The following AMPH variants were observed in gnomAD, a reference collection of about 807,000 sequenced individuals.
AMPH encodes the protein amphiphysin.
AMPH carries 49 observed loss-of-function variants against 99.1 expected under a neutral mutation model. The ratio of observed to expected loss-of-function variants is 0.49; its 90% confidence interval spans 0.39 to 0.63. The LOEUF (loss-of-function observed/expected upper bound fraction) is 0.63, where lower values mean the gene tolerates loss of function less well. Ranked by LOEUF, AMPH falls within the 20% of genes least tolerant of loss-of-function variation. AMPH has a pLI of 0.00. For synonymous variants in AMPH, 314 were observed against 317.3 expected (o/e 0.99, Z 0.11); for missense variants, 759 against 863.4 (o/e 0.88, Z 1.52).
rs780531206 is a variant in AMPH at position 38,429,019 on chromosome 7, CT to C, written c.1182+822del. The C allele has an allele frequency of 1.2e-5, 16 of 1,289,950 alleles. No homozygotes were observed. The Middle Eastern group carries it at 6.4e-4, about 51-fold the overall frequency. 79.9% of individuals were successfully genotyped at this position (1,289,950 alleles called of 1,614,324 possible). A position where few individuals can be genotyped will look rare whatever the true frequency, so the allele number is the denominator to read the frequency against. On this transcript the variant is annotated intron_variant, in intron 14 of 20. Coordinates refer to ENST00000356264, the MANE Select transcript of AMPH (RefSeq NM_001635.4). Reference sequence around the variant, plus strand: ...GCTTTCTCTTCAAATTCCTCTGTACCTTCTAGTGTCTTGATATCAATAGCTC... The same window carrying C: ...GCTTTCTCTTCAAATTCCTCTGTACCTCTAGTGTCTTGATATCAATAGCTC...
intron 1 of AMPH, among the ~76,000 whole-genome samples, chr7:38,605,562 T>C (rs1294537594): frequency 6.6e-6 from 1 of 151,612 alleles, no homozygotes; most frequent in Non-Finnish European, 1.5e-5. Context: ...GGTTTTCTTT[T>C]CGTTTTTTCT....
At chr7:38,503,871 A>T (rs559580581) in intron 2 of AMPH, among the ~76,000 whole-genome samples, 167 bp from the exon 3 acceptor site, 1 of 152,364 alleles carries the variant, frequency 6.6e-6, no homozygotes, top group Admixed American at 6.5e-5. Flanking sequence ...CAGTCTAGAT[A>T]TTTATAGAAA....
intron 17 of AMPH, among the ~76,000 whole-genome samples, chr7:38,402,275 A>T (rs1251927240): frequency 2.6e-5 from 4 of 152,138 alleles, no homozygotes. Flanking sequence ...AAAGGAAGGC[A>T]ATTTTCAAAT....
At chr7:38,505,946 C>T (rs1789310099) in intron 2 of AMPH, among the ~76,000 whole-genome samples, 1 of 152,176 alleles carries the variant, frequency 6.6e-6, no homozygotes, top group African/African-American at 2.4e-5. Flanking sequence ...GATCATACTT[C>T]CTGCCTCAGC....
intron 1 of AMPH, among the ~76,000 whole-genome samples, chr7:38,612,738 GT>G (rs1793730596): frequency 6.6e-6 from 1 of 152,186 alleles, no homozygotes; most frequent in African/African-American, 2.4e-5. Context: ...CCCATCTGCA[GT>G]TCTGGGACAC....
At chr7:38,447,461 A>G (rs1051982819) in intron 11 of AMPH, among the ~76,000 whole-genome samples, 2 of 152,182 alleles carry the variant, frequency 1.3e-5, no homozygotes, top group African/African-American at 4.8e-5. Flanking sequence ...TACATTAACT[A>G]TGCATCCTTT....
chr7:38,404,450 A>ATGAT (rs1349332403), intron 17 of AMPH, among the ~76,000 whole-genome samples: 1 of 152,198 alleles, frequency 6.6e-6, no homozygotes, highest in East Asian at 1.9e-4. Flanking sequence ...ACAGTGTATC[A>ATGAT]GTTCATACAC....
rs546616826 is a variant in AMPH at position 38,436,477 on chromosome 7, T to C, written c.1018-89A>G. The C allele has an allele frequency of 2.4e-5, 23 of 950,278 alleles. No homozygotes were observed. In the South Asian group the frequency reaches 2.9e-4, roughly 12 times the overall value. The allele number at this position is 950,278 out of a possible 1,614,324, so 58.9% of individuals were successfully genotyped here. On this transcript the variant is annotated intron_variant, in intron 11 of 20. Transcript: ENST00000356264. ...TATAGCCCATGTATACTCTCTCTAA[T>C]ATTATTATTGAGTATCTCCAAAACA...
chr7:38,458,992 C>A (rs1046294786), intron 11 of AMPH, among the ~76,000 whole-genome samples: 6 of 151,894 alleles, frequency 4.0e-5, no homozygotes, highest in African/African-American at 1.5e-4. Context: ...CCAAAAAAAA[C>A]CTCCTAAATT....
chr7:38,597,736 A>G (rs1373078741), intron 1 of AMPH, among the ~76,000 whole-genome samples: 5 of 152,192 alleles, frequency 3.3e-5, no homozygotes, highest in Non-Finnish European at 1.5e-5. Flanking sequence ...TCACAACTCA[A>G]TGGAAAATAC....
At chr7:38,544,120 C>G (rs958013535) in intron 1 of AMPH, among the ~76,000 whole-genome samples, 32 of 152,194 alleles carry the variant, frequency 2.1e-4, no homozygotes, top group Middle Eastern at 3.2e-3. Flanking sequence ...AGATTCTACT[C>G]TGACTAACCA....
chr7:38,514,700 T>C (rs1440497353), intron 2 of AMPH, among the ~76,000 whole-genome samples: 1 of 152,246 alleles, frequency 6.6e-6, no homozygotes, highest in African/African-American at 2.4e-5. Flanking sequence ...TTTCACCTTC[T>C]GTCCTTCTGC....
At chr7:38,558,669 A>G (rs1290848062) in intron 1 of AMPH, among the ~76,000 whole-genome samples, 1 of 152,218 alleles carries the variant, frequency 6.6e-6, no homozygotes, top group Non-Finnish European at 1.5e-5. Context: ...GTTAAGAGAT[A>G]TAAAACAACA....
chr7:38,630,089 G>A (rs1490002340), intron 1 of AMPH, among the ~76,000 whole-genome samples: 1 of 152,130 alleles, frequency 6.6e-6, no homozygotes, highest in African/African-American at 2.4e-5. Flanking sequence ...GGTCTGAAGA[G>A]GGAAATTCAT....
chr7:38,417,298 G>A (rs1252342982), intron 17 of AMPH, among the ~76,000 whole-genome samples: 1 of 137,786 alleles, frequency 7.3e-6, no homozygotes, highest in African/African-American at 2.8e-5. Flanking sequence ...CATCCTCAAG[G>A]TCCGTATTAT....
intron 9 of AMPH, 173 bp from the exon 10 acceptor site, chr7:38,463,286 C>A (rs1396102544): frequency 1.3e-5 from 11 of 826,032 alleles, no homozygotes; most frequent in Non-Finnish European, 2.2e-5. Context: ...TAACTGGTAC[C>A]ATTTATTTGC....
intron 1 of AMPH, among the ~76,000 whole-genome samples, chr7:38,555,799 T>G (rs1322411444): frequency 1.3e-5 from 2 of 152,196 alleles, no homozygotes; most frequent in Non-Finnish European, 2.9e-5. Flanking sequence ...TTCTCATAAT[T>G]TGTAGTGTTT....
chr7:38,489,271 G>A (rs1396123974), intron 5 of AMPH, among the ~76,000 whole-genome samples: 1 of 152,034 alleles, frequency 6.6e-6, no homozygotes, highest in Non-Finnish European at 1.5e-5. Context: ...AAATGGTGCT[G>A]GGAAAACTGG....
chr7:38,486,531 T>C (rs1396659128), intron 5 of AMPH, among the ~76,000 whole-genome samples: 4 of 152,096 alleles, frequency 2.6e-5, no homozygotes, highest in African/African-American at 4.8e-5. Context: ...ATGCCAATTC[T>C]TCTCAAGCTC....
Sources: allele counts gnomAD v4.1 joint callset (sites outside exome capture counted in the v4.1 genomes callset), GRCh38; gene constraint gnomAD v4.1.1; transcripts MANE v1.5; gene names NCBI Gene and HGNC (gene_info 2026-07-23, HGNC 2026-07-21).